The following ADGRB3 variants were observed in gnomAD, a reference collection of about 807,000 sequenced individuals.
The protein encoded by ADGRB3 is brain-specific angiogenesis inhibitor 3.
Under a neutral mutation model 193.4 loss-of-function variants are expected in ADGRB3, and 37 were observed. That is an observed-to-expected ratio of 0.19 (90% CI 0.15 to 0.25). ADGRB3 has a LOEUF of 0.25. Ranked by LOEUF, ADGRB3 falls within the 10% of genes least tolerant of loss-of-function variation. ADGRB3 has a pLI of 1.00. For synonymous variants in ADGRB3, 690 were observed against 644.2 expected, an observed-to-expected ratio of 1.07 and a Z score of -1.08; for missense variants, 1,637 against 1,852.9, an observed-to-expected ratio of 0.88 and a Z score of 2.14.
chr6:68,656,644 G>A (rs1252852858), intron 3 of ADGRB3, among the ~76,000 whole-genome samples: 1 of 151,354 alleles, frequency 6.6e-6, no homozygotes, highest in African/African-American at 2.4e-5. Context: ...TAGATTTGCT[G>A]GGTTTGACAT....
chr6:68,994,289 T>C (rs900113621), intron 11 of ADGRB3, among the ~76,000 whole-genome samples: 3 of 152,172 alleles, frequency 2.0e-5, no homozygotes, highest in Admixed American at 6.5e-5. Flanking sequence ...TATACCATCT[T>C]GACATAGGAG....
chr6:69,263,174 A>G (rs3799073), intron 20 of ADGRB3, among the ~76,000 whole-genome samples: 1,706 of 152,124 alleles, frequency 0.011, 80 homozygotes, highest in East Asian at 0.094. Context: ...TGTCTGTAAG[A>G]CAAAGACATG....
chr6:68,693,309 C>T (rs1011193949), intron 3 of ADGRB3, among the ~76,000 whole-genome samples: 2 of 151,812 alleles, frequency 1.3e-5, no homozygotes, highest in African/African-American at 4.8e-5. Flanking sequence ...ATTTTTCCTA[C>T]AGCACAGGGG....
chr6:68,984,306 A>T (rs915005333), intron 10 of ADGRB3, among the ~76,000 whole-genome samples: 1 of 152,142 alleles, frequency 6.6e-6, no homozygotes, highest in Non-Finnish European at 1.5e-5. Flanking sequence ...TAGTAATCAC[A>T]TTTGGCTGGT....
intron 11 of ADGRB3, among the ~76,000 whole-genome samples, chr6:69,009,927 A>AT (rs2150283417): frequency 6.6e-6 from 1 of 152,260 alleles, no homozygotes; most frequent in East Asian, 1.9e-4. Context: ...TAGTATATTT[A>AT]TAAAAAATTG....
chr6:68,952,230 C>T (rs1159627060), intron 6 of ADGRB3, among the ~76,000 whole-genome samples: 2 of 151,680 alleles, frequency 1.3e-5, no homozygotes, highest in African/African-American at 4.8e-5. Context: ...AAAACAAATC[C>T]ATTAATAATT....
chr6:68,786,695 T>G (rs1003358955), intron 3 of ADGRB3, among the ~76,000 whole-genome samples: 2 of 151,368 alleles, frequency 1.3e-5, no homozygotes, highest in African/African-American at 4.8e-5. Context: ...GTGAAGAAAG[T>G]CATTGGTAGC....
chr6:68,835,453 T>A (rs1033153232), intron 3 of ADGRB3, among the ~76,000 whole-genome samples: 1 of 152,168 alleles, frequency 6.6e-6, no homozygotes, highest in Non-Finnish European at 1.5e-5. Context: ...TTTTTTCAAT[T>A]ATCCTAGAAA....
chr6:69,324,269 G>GT (rs1768521483), intron 20 of ADGRB3, among the ~76,000 whole-genome samples: 2 of 152,240 alleles, frequency 1.3e-5, no homozygotes, highest in Admixed American at 1.3e-4. Context: ...CAAAGTAATA[G>GT]TATAGAAGCA....
chr6:69,103,009 C>T (rs1773107755), intron 17 of ADGRB3, among the ~76,000 whole-genome samples: 1 of 152,124 alleles, frequency 6.6e-6, no homozygotes, highest in African/African-American at 2.4e-5. Context: ...TATTCCTTCT[C>T]ATGACAACAA....
chr6:68,709,388 TAATACTTA>T (rs938057706), intron 3 of ADGRB3, among the ~76,000 whole-genome samples: 1 of 152,176 alleles, frequency 6.6e-6, no homozygotes, highest in Non-Finnish European at 1.5e-5. Flanking sequence ...GCAAAAATTA[TAATACTTA>T]AATGACATGA....
At chr6:68,873,029 C>T (rs1180558387) in intron 3 of ADGRB3, among the ~76,000 whole-genome samples, 1 of 152,060 alleles carries the variant, frequency 6.6e-6, no homozygotes, top group Admixed American at 6.6e-5. Context: ...AGAGTGGCTA[C>T]ATTCTTCTCC....
At chr6:69,095,418 G>C (rs1772844769) in intron 17 of ADGRB3, among the ~76,000 whole-genome samples, 1 of 151,936 alleles carries the variant, frequency 6.6e-6, no homozygotes. Context: ...CAGGGGCATG[G>C]CTGGCAGTGG....
intron 20 of ADGRB3, among the ~76,000 whole-genome samples, chr6:69,294,527 G>C (rs1417555641): frequency 2.0e-5 from 3 of 152,080 alleles, no homozygotes; most frequent in Non-Finnish European, 4.4e-5. Context: ...ATGGCAAGCT[G>C]CAGCCTTTGG....
chr6:69,316,191 A>G (rs1348071727), intron 20 of ADGRB3, among the ~76,000 whole-genome samples: 1 of 151,242 alleles, frequency 6.6e-6, no homozygotes, highest in African/African-American at 2.4e-5. Flanking sequence ...TATTATGTAT[A>G]TTTTTCTGAA....
intron 8 of ADGRB3, among the ~76,000 whole-genome samples, chr6:68,972,134 G>A (rs565269741): frequency 1.1e-4 from 17 of 152,342 alleles, no homozygotes; most frequent in Non-Finnish European, 2.1e-4. Context: ...TTATTTTCCT[G>A]TTGTTTCTAT....
intron 17 of ADGRB3, among the ~76,000 whole-genome samples, chr6:69,204,852 C>A (rs896259905): frequency 3.3e-5 from 5 of 151,704 alleles, no homozygotes; most frequent in Admixed American, 6.6e-5. Context: ...ATTTTATAAC[C>A]CCAATATGAG....
At chr6:68,834,974 A>G (rs1177207945) in intron 3 of ADGRB3, among the ~76,000 whole-genome samples, 1 of 152,200 alleles carries the variant, frequency 6.6e-6, no homozygotes, top group Non-Finnish European at 1.5e-5. Flanking sequence ...GTGAGTTAAA[A>G]AAAATCCAAG....
At chr6:68,772,899 ATATAT>A in intron 3 of ADGRB3, among the ~76,000 whole-genome samples, 1 of 13,136 alleles carries the variant, frequency 7.6e-5, no homozygotes, top group Admixed American at 9.9e-4. Context: ...AAAAAAATAT[ATATAT>A]ATATATATAT....
Sources: allele counts gnomAD v4.1 joint callset (sites outside exome capture counted in the v4.1 genomes callset), GRCh38; gene constraint gnomAD v4.1.1; transcripts MANE v1.5; gene names NCBI Gene and HGNC (gene_info 2026-07-23, HGNC 2026-07-21).